The following QKI variants were observed in gnomAD, a reference collection of about 807,000 sequenced individuals.
QKI encodes the protein QKI, KH domain containing RNA binding, also known as KH domain-containing RNA-binding protein QKI.
In QKI, 10 loss-of-function variants were observed where a neutral mutation model predicts 39.0. The ratio of observed to expected loss-of-function variants is 0.26; its 90% CI spans 0.16 to 0.43. The LOEUF (loss-of-function observed/expected upper bound fraction) is 0.43. QKI is among the 20% of genes least tolerant of loss of function. QKI has a pLI of 1.00. For synonymous variants in QKI, 204 were observed against 155.4 expected, an observed-to-expected ratio of 1.31 and a Z score of -2.33; for missense variants, 218 against 428.0, an observed-to-expected ratio of 0.51 and a Z score of 4.33.
chr6:163,541,560 C>A (rs1224244730), intron 4 of QKI, among the ~76,000 whole-genome samples: 1 of 150,468 alleles, frequency 6.6e-6, no homozygotes, highest in African/African-American at 2.4e-5. Flanking sequence ...TAAAAATCTC[C>A]ATTCATTCAT....
intron 4 of QKI, among the ~76,000 whole-genome samples, chr6:163,547,148 CTT>C (rs757963719): frequency 1.7e-4 from 26 of 152,184 alleles, no homozygotes; most frequent in Non-Finnish European, 2.8e-4. Context: ...AATAAAAATA[CTT>C]TGATTTTTTA....
At chr6:163,483,515 T>C (rs1029090065) in intron 3 of QKI, among the ~76,000 whole-genome samples, 2 of 152,208 alleles carry the variant, frequency 1.3e-5, no homozygotes, top group Non-Finnish European at 2.9e-5. Flanking sequence ...ATTTCAACAG[T>C]GTTCACTGTA....
rs968674788 is a variant in QKI at position 163,424,223 on chromosome 6, CA to C, written c.142+8895del. On this transcript the variant is annotated intron_variant, in intron 1 of 7. Coordinates refer to ENST00000361752, the MANE Select transcript of QKI (RefSeq NM_006775.3). ...AGAAAAAAAAATTTCAAACTGGGATCAAAAAAATTACCCTGAAACCGCATCT... is the reference window on the plus strand; with the variant it reads ...AGAAAAAAAAATTTCAAACTGGGATCAAAAAATTACCCTGAAACCGCATCT... Among the ~76,000 whole-genome samples the C allele has an allele frequency of 2.6e-5, 4 of 152,044 alleles. No homozygotes were observed. In the East Asian group the frequency reaches 5.8e-4, roughly 22 times the overall value.
intron 3 of QKI, among the ~76,000 whole-genome samples, chr6:163,519,400 T>C (rs1780016391): frequency 6.6e-6 from 1 of 152,056 alleles, no homozygotes; most frequent in Admixed American, 6.6e-5. Flanking sequence ...CGTGCCAGAT[T>C]TCCTGTGGGC....
At position 163,572,745 on chromosome 6, in the gene QKI, G is replaced by GA. The variant is rs1783777616; in HGVS notation, c.*2037dup. ...CAGCATCACAGTCAGAGGTCAGCAG[G>GA]AAGCTGAGTCATTACCTTCTTGGTG... On this transcript the variant is annotated 3_prime_UTR_variant, in exon 8 of 8. Transcript: ENST00000361752. 1 of 130,164 alleles carries GA rather than the reference G, an allele frequency of 7.7e-6. No homozygotes were observed. Among genetic ancestry groups the GA allele is most frequent in the Non-Finnish European group, 1.6e-5 (1 of 64,306 alleles). The allele number at this position is 130,164 out of a possible 1,614,324, so 8.1% of individuals were successfully genotyped here.
chr6:163,422,357 A>G (rs1354521681), intron 1 of QKI, among the ~76,000 whole-genome samples: 4 of 152,190 alleles, frequency 2.6e-5, no homozygotes, highest in Non-Finnish European at 4.4e-5. Context: ...CGATTGTAAG[A>G]TTTATATCAC....
intron 3 of QKI, among the ~76,000 whole-genome samples, chr6:163,503,955 C>A (rs1357195992): frequency 6.6e-6 from 1 of 152,008 alleles, no homozygotes; most frequent in East Asian, 1.9e-4. Flanking sequence ...GTTGCCCAAG[C>A]TGGTCTCGAA....
intron 2 of QKI, among the ~76,000 whole-genome samples, chr6:163,468,507 T>C (rs1791943545): frequency 1.3e-5 from 2 of 152,224 alleles, no homozygotes; most frequent in African/African-American, 4.8e-5. Flanking sequence ...TCTATAATGC[T>C]TTACATTTTG....
intron 4 of QKI, among the ~76,000 whole-genome samples, chr6:163,540,014 G>A (rs1781415684): frequency 1.3e-5 from 2 of 150,254 alleles, no homozygotes; most frequent in African/African-American, 2.4e-5. Context: ...AGATACTTTT[G>A]TAATGTAAGA....
At chr6:163,521,221 C>T (rs1780137701) in intron 3 of QKI, among the ~76,000 whole-genome samples, 1 of 152,038 alleles carries the variant, frequency 6.6e-6, no homozygotes, top group Non-Finnish European at 1.5e-5. Flanking sequence ...AGTAGCTATA[C>T]CTGCTGCCAC....
intron 4 of QKI, among the ~76,000 whole-genome samples, chr6:163,557,651 C>T (rs183223519): frequency 1.1e-4 from 17 of 152,070 alleles, no homozygotes; most frequent in Admixed American, 7.9e-4. Flanking sequence ...AATAATTTAT[C>T]GTACATTTAA....
intron 4 of QKI, among the ~76,000 whole-genome samples, chr6:163,551,488 T>C (rs1782231541): frequency 6.6e-6 from 1 of 152,236 alleles, no homozygotes; most frequent in African/African-American, 2.4e-5. Flanking sequence ...GAAGATATCA[T>C]TAGACATCTG....
At chr6:163,489,424 C>CTGTGTGTGTGTGTGTGTG (rs66826538) in intron 3 of QKI, among the ~76,000 whole-genome samples, 6 of 148,942 alleles carry the variant, frequency 4.0e-5, no homozygotes, top group African/African-American at 1.5e-4. Flanking sequence ...AGAAGTTATG[C>CTGTGTGTGTGTGTGTGTG]TGTGTGTGTG....
chr6:163,431,009 G>A (rs1317487083), intron 1 of QKI, among the ~76,000 whole-genome samples: 3 of 152,058 alleles, frequency 2.0e-5, no homozygotes, highest in South Asian at 2.1e-4. Context: ...AAGGAAATAC[G>A]GTTTTTCTTT....
intron 1 of QKI, among the ~76,000 whole-genome samples, chr6:163,430,969 T>C (rs1788778700): frequency 6.6e-6 from 1 of 152,184 alleles, no homozygotes; most frequent in African/African-American, 2.4e-5. Flanking sequence ...TAACTTGGTT[T>C]AACTGAGCAT....
chr6:163,420,940 T>A (rs1787949384), intron 1 of QKI, among the ~76,000 whole-genome samples: 1 of 152,212 alleles, frequency 6.6e-6, no homozygotes, highest in Non-Finnish European at 1.5e-5. Flanking sequence ...CTCTTAAAAT[T>A]ACTTTCTTGA....
At chr6:163,453,161 TTTA>T (rs1396538895) in intron 1 of QKI, among the ~76,000 whole-genome samples, 4 of 150,500 alleles carry the variant, frequency 2.7e-5, no homozygotes, top group South Asian at 2.1e-4. Context: ...CTTCCCTAGA[TTTA>T]TTATATTACT....
At chr6:163,493,320 C>T (rs796817352) in intron 3 of QKI, among the ~76,000 whole-genome samples, 5 of 151,870 alleles carry the variant, frequency 3.3e-5, no homozygotes, top group African/African-American at 9.7e-5. Flanking sequence ...CTAATAGTGA[C>T]GGGGTTTTAA....
intron 6 of QKI, chr6:163,566,070 C>A: frequency 1.3e-6 from 2 of 1,555,522 alleles, no homozygotes; most frequent in South Asian, 2.4e-5. Flanking sequence ...GCCTAGCAGT[C>A]AGTGACTTAC....
Sources: allele counts gnomAD v4.1 joint callset (sites outside exome capture counted in the v4.1 genomes callset), GRCh38; gene constraint gnomAD v4.1.1; transcripts MANE v1.5; gene names NCBI Gene and HGNC (gene_info 2026-07-23, HGNC 2026-07-21).